Variants in TRAPPC9 observed in about 807,000 individuals in gnomAD.
TRAPPC9 encodes trafficking protein particle complex subunit 9.
TRAPPC9 carries 83 observed loss-of-function variants against 124.0 expected under a neutral mutation model. The ratio of observed to expected loss-of-function variants is 0.67; its 90% CI spans 0.56 to 0.80. TRAPPC9 has a LOEUF of 0.80. Ranked by LOEUF, TRAPPC9 falls within the 30% of genes least tolerant of loss-of-function variation. The pLI is 0.00. For synonymous variants in TRAPPC9, 638 were observed against 617.5 expected, an observed-to-expected ratio of 1.03 and a Z score of -0.49; for missense variants, 1,302 against 1,508.3, an observed-to-expected ratio of 0.86 and a Z score of 2.27.
chr8:139,775,245 C>T (rs776772022), intron 21 of TRAPPC9, among the ~76,000 whole-genome samples: 14 of 152,232 alleles, frequency 9.2e-5, no homozygotes, highest in Non-Finnish European at 1.8e-4. Flanking sequence ...AGTCCGGAAG[C>T]TCTGAGGGGC....
rs775060710 is a variant in TRAPPC9 at position 139,730,038 on chromosome 8, G to A, written c.*1023C>T. On this transcript the variant is annotated 3_prime_UTR_variant, in exon 23 of 23. Transcript: ENST00000438773. ...CTGGCCCTCAAGGGAGATGTGAGCC[G>A]TGTGCTTTCTCTCTCCGGTCCTCCC... Among the ~76,000 whole-genome samples, 26 of 152,150 alleles carry A rather than the reference G, an allele frequency of 1.7e-4. No individual in the cohort carries two copies. The highest frequency in any genetic ancestry group is 9.8e-4 in the Admixed American group (15 of 15,284).
chr8:140,441,892 G>A (rs1050610448), intron 2 of TRAPPC9, among the ~76,000 whole-genome samples: 3 of 152,156 alleles, frequency 2.0e-5, no homozygotes, highest in Admixed American at 6.5e-5. Context: ...TAAGTAGCTT[G>A]GCATGGTGGC....
chr8:140,276,902 C>A (rs1260498449), intron 14 of TRAPPC9, among the ~76,000 whole-genome samples: 1 of 152,116 alleles, frequency 6.6e-6, no homozygotes, highest in Non-Finnish European at 1.5e-5. Flanking sequence ...CAGAGAGCCA[C>A]AATTAGTCCA....
At chr8:139,898,107 G>T (rs1830779854) in intron 20 of TRAPPC9, among the ~76,000 whole-genome samples, 1 of 152,250 alleles carries the variant, frequency 6.6e-6, no homozygotes, top group South Asian at 2.1e-4. Context: ...CCAGGAGTAA[G>T]TGGCGTACGC....
intron 12 of TRAPPC9, among the ~76,000 whole-genome samples, chr8:140,288,310 T>G (rs915368490): frequency 6.6e-6 from 1 of 152,316 alleles, no homozygotes; most frequent in African/African-American, 2.4e-5. Context: ...CACTCCAGCG[T>G]GGGGGACAGA....
chr8:140,052,044 C>G (rs544799520), intron 17 of TRAPPC9, among the ~76,000 whole-genome samples: 1 of 152,274 alleles, frequency 6.6e-6, no homozygotes, highest in South Asian at 2.1e-4. Context: ...GATGGAGCAT[C>G]AGGGGCCGGC....
chr8:140,327,613 T>C (rs927442564), intron 9 of TRAPPC9, among the ~76,000 whole-genome samples: 2 of 152,210 alleles, frequency 1.3e-5, no homozygotes, highest in African/African-American at 2.4e-5. Flanking sequence ...AATGCTATCA[T>C]ACAGATAAAC....
chr8:140,001,541 T>C (rs531172057), intron 18 of TRAPPC9, among the ~76,000 whole-genome samples: 1 of 152,112 alleles, frequency 6.6e-6, no homozygotes, highest in Non-Finnish European at 1.5e-5. Context: ...AAAAGATCAA[T>C]GTAATTGATA....
intron 17 of TRAPPC9, among the ~76,000 whole-genome samples, chr8:140,203,012 T>A (rs78950327): frequency 0.018 from 2,816 of 152,276 alleles, 78 homozygotes; most frequent in African/African-American, 0.064. Flanking sequence ...AAAAAAGTGG[T>A]GCTAGCTGAA....
intron 21 of TRAPPC9, among the ~76,000 whole-genome samples, chr8:139,750,370 C>A (rs138290683): frequency 6.6e-6 from 1 of 152,202 alleles, no homozygotes; most frequent in Non-Finnish European, 1.5e-5. Context: ...TCAGGTCTAC[C>A]GTGCCTTTTT....
intron 17 of TRAPPC9, among the ~76,000 whole-genome samples, chr8:140,114,101 T>C (rs1407473348): frequency 2.0e-5 from 3 of 152,206 alleles, no homozygotes; most frequent in Non-Finnish European, 2.9e-5. Context: ...TCCAGTAGCA[T>C]AGCTGGTAGC....
chr8:140,163,855 A>T (rs1450776331), intron 17 of TRAPPC9, among the ~76,000 whole-genome samples: 1 of 152,256 alleles, frequency 6.6e-6, no homozygotes, highest in Non-Finnish European at 1.5e-5. Context: ...TTGTAAAAAG[A>T]GAACTGACTT....
intron 19 of TRAPPC9, among the ~76,000 whole-genome samples, chr8:139,971,816 T>TAC (rs761189260): frequency 0.1 from 14,763 of 145,738 alleles, 1,132 homozygotes; most frequent in Admixed American, 0.2. Context: ...TATATATATA[T>TAC]ACACACACAC....
rs1030649189 is a variant in TRAPPC9 at position 139,961,625 on chromosome 8, C to T, written c.2810+27101G>A. Among the ~76,000 whole-genome samples the T allele has an allele frequency of 3.3e-3, 405 of 123,438 alleles. 65 individuals carry two copies. The highest frequency in any genetic ancestry group is 9.6e-3 in the African/African-American group (375 of 39,198). 81.0% of individuals were successfully genotyped at this position (123,438 alleles called of 152,430 possible). A position where few individuals can be genotyped will look rare whatever the true frequency, so the allele number is the denominator to read the frequency against. On this transcript the variant is annotated intron_variant, in intron 19 of 22. Coordinates refer to ENST00000438773, the MANE Select transcript of TRAPPC9 (RefSeq NM_001160372.4). ...GTGCAGGACCTGGGCGTTTCTGCAG[C>T]CTGTAGCCTGCACCCTTGGGGGCCC...
intron 15 of TRAPPC9, among the ~76,000 whole-genome samples, chr8:140,259,075 T>A (rs775832639): frequency 1.3e-5 from 2 of 152,200 alleles, no homozygotes; most frequent in Non-Finnish European, 2.9e-5. Flanking sequence ...CCGGCTGCAA[T>A]GGCACATAAC....
intron 19 of TRAPPC9, among the ~76,000 whole-genome samples, chr8:139,947,854 G>A (rs569788636): frequency 1.6e-5 from 2 of 121,660 alleles, no homozygotes; most frequent in African/African-American, 6.2e-5. Context: ...GGCCACAAGA[G>A]CAAAATTCCG....
chr8:139,818,159 A>G (rs1230398164), intron 21 of TRAPPC9, among the ~76,000 whole-genome samples: 1 of 152,224 alleles, frequency 6.6e-6, no homozygotes, highest in Non-Finnish European at 1.5e-5. Flanking sequence ...CTGACTCCAA[A>G]GAGTATTCTT....
At chr8:140,055,657 CAA>C (rs1213556108) in intron 17 of TRAPPC9, among the ~76,000 whole-genome samples, 2 of 152,194 alleles carry the variant, frequency 1.3e-5, no homozygotes, top group Non-Finnish European at 2.9e-5. Context: ...CAAATATCAG[CAA>C]AGTTACAGGA....
intron 17 of TRAPPC9, among the ~76,000 whole-genome samples, chr8:140,034,239 T>C (rs1427864521): frequency 1.3e-5 from 2 of 152,250 alleles, no homozygotes; most frequent in Non-Finnish European, 2.9e-5. Context: ...GATTTATACA[T>C]TAACCATGTA....
Sources: allele counts gnomAD v4.1 joint callset (sites outside exome capture counted in the v4.1 genomes callset), GRCh38; gene constraint gnomAD v4.1.1; transcripts MANE v1.5; gene names NCBI Gene and HGNC (gene_info 2026-07-23, HGNC 2026-07-21).